Variants in COL24A1 observed in about 807,000 individuals in gnomAD.
COL24A1 encodes collagen alpha-1(XXIV) chain.
A neutral mutation model predicts 253.9 loss-of-function variants in COL24A1; 224 were observed. The ratio of observed to expected loss-of-function variants is 0.88; its 90% CI spans 0.79 to 0.99. The LOEUF (loss-of-function observed/expected upper bound fraction) is 0.99, where lower values mean the gene tolerates loss of function less well. COL24A1 is among the 50% of genes least tolerant of loss of function. The pLI is 0.00. For synonymous variants in COL24A1, 685 were observed against 673.7 expected (o/e 1.02, Z -0.26); for missense variants, 2,131 against 2,068.5 (o/e 1.03, Z -0.59).
intron 24 of COL24A1, among the ~76,000 whole-genome samples, chr1:85,942,050 G>T (rs2103191841): frequency 6.6e-6 from 1 of 152,226 alleles, no homozygotes; most frequent in South Asian, 2.1e-4. Context: ...GTATTTACTT[G>T]TTTAAGTTAT....
At chr1:86,092,759 A>G (rs907650154) in intron 5 of COL24A1, among the ~76,000 whole-genome samples, 1 of 151,954 alleles carries the variant, frequency 6.6e-6, no homozygotes, top group African/African-American at 2.4e-5. Context: ...CCAAAATATT[A>G]CAATGCACAT....
chr1:86,093,668 A>C (rs1367474595), intron 5 of COL24A1, among the ~76,000 whole-genome samples: 2 of 152,180 alleles, frequency 1.3e-5, no homozygotes, highest in Non-Finnish European at 2.9e-5. Context: ...GAGGTTCTGC[A>C]CAGAAAAAGA....
intron 13 of COL24A1, 132 bp from the exon 14 acceptor site, chr1:86,032,054 A>G (rs1362282176): frequency 1.6e-6 from 1 of 631,746 alleles, no homozygotes; most frequent in African/African-American, 1.9e-5. Context: ...TAACTTCTGA[A>G]ACTCCCCTAA....
chr1:86,032,626 G>A (rs1698669441), intron 13 of COL24A1, among the ~76,000 whole-genome samples: 1 of 151,914 alleles, frequency 6.6e-6, no homozygotes, highest in South Asian at 2.1e-4. Context: ...TATTTACAAG[G>A]CACAAAGTAC....
intron 43 of COL24A1, among the ~76,000 whole-genome samples, chr1:85,827,767 G>T (rs1353614189): frequency 1.3e-5 from 2 of 152,010 alleles, no homozygotes; most frequent in Non-Finnish European, 2.9e-5. Context: ...GATCAGTGGT[G>T]ATATCCCCTT....
At chr1:85,925,007 A>C (rs1270122701) in intron 24 of COL24A1, among the ~76,000 whole-genome samples, 1 of 152,222 alleles carries the variant, frequency 6.6e-6, no homozygotes, top group Non-Finnish European at 1.5e-5. Flanking sequence ...CAAATATCAC[A>C]AGCATTCCTA....
intron 47 of COL24A1, among the ~76,000 whole-genome samples, chr1:85,810,740 G>A (rs751655779): frequency 2.7e-4 from 41 of 152,006 alleles, no homozygotes; most frequent in Non-Finnish European, 5.0e-4. Flanking sequence ...TGCTTTCACC[G>A]TGTGATGTGT....
At chr1:86,100,447 T>G (rs1314413938) in intron 5 of COL24A1, among the ~76,000 whole-genome samples, 1 of 152,166 alleles carries the variant, frequency 6.6e-6, no homozygotes, top group African/African-American at 2.4e-5. Context: ...TTACCATTTT[T>G]TAAAATAATG....
At chr1:85,863,055 G>T (rs1679345660) in intron 37 of COL24A1, among the ~76,000 whole-genome samples, 1 of 152,142 alleles carries the variant, frequency 6.6e-6, no homozygotes, top group African/African-American at 2.4e-5. Flanking sequence ...TGGATTTCTA[G>T]ATATTTGATT....
intron 6 of COL24A1, among the ~76,000 whole-genome samples, chr1:86,090,066 G>A (rs1703382029): frequency 6.6e-6 from 1 of 152,158 alleles, no homozygotes; most frequent in East Asian, 1.9e-4. Flanking sequence ...TACACAGAAC[G>A]TCCCTCACCC....
At chr1:86,150,268 T>C (rs1652570859) in intron 1 of COL24A1, among the ~76,000 whole-genome samples, 1 of 152,222 alleles carries the variant, frequency 6.6e-6, no homozygotes, top group African/African-American at 2.4e-5. Flanking sequence ...GACTTTGTTA[T>C]ACTCCTATAA....
At chr1:85,791,083 T>C (rs1670223011) in intron 47 of COL24A1, among the ~76,000 whole-genome samples, 2 of 152,188 alleles carry the variant, frequency 1.3e-5, no homozygotes, top group Non-Finnish European at 1.5e-5. Flanking sequence ...ATTGTTAGCT[T>C]TTTGGCAAGA....
chr1:85,930,076 C>A (rs1687666418), intron 24 of COL24A1, among the ~76,000 whole-genome samples: 1 of 69,902 alleles, frequency 1.4e-5, no homozygotes, highest in Non-Finnish European at 2.7e-5. Flanking sequence ...CAAGAAATAA[C>A]TAAAATCAGA....
At chr1:85,829,355 A>AT (rs1464267822) in intron 43 of COL24A1, among the ~76,000 whole-genome samples, 1 of 150,810 alleles carries the variant, frequency 6.6e-6, no homozygotes, top group African/African-American at 2.4e-5. Flanking sequence ...TGCCCTTAAC[A>AT]TTTTTTCCTT....
intron 18 of COL24A1, among the ~76,000 whole-genome samples, chr1:86,021,078 A>T (rs1048300464): frequency 1.3e-5 from 2 of 152,322 alleles, no homozygotes; most frequent in African/African-American, 4.8e-5. Context: ...AGAATGGGGT[A>T]AAGTTCTGTA....
In COL24A1 at chr1:86,115,310, A is replaced by G. The variant is rs182485617; in HGVS notation, c.1545+15T>C. On this transcript the variant is annotated intron_variant, in intron 4 of 59. Transcript: ENST00000370571. Reference sequence around the variant, plus strand: ...AATTCTCACTGCCAGCAGGAAATATAGCCCATCTACTTACCCGTGGACCTC... The same window carrying G: ...AATTCTCACTGCCAGCAGGAAATATGGCCCATCTACTTACCCGTGGACCTC... 6 of 1,612,800 alleles carry G rather than the reference A, an allele frequency of 3.7e-6. No homozygotes were observed. The Admixed American group carries it at 1.0e-4, about 27-fold the overall frequency.
chr1:86,042,730 C>T (rs1052803337), intron 12 of COL24A1, among the ~76,000 whole-genome samples: 1 of 152,110 alleles, frequency 6.6e-6, no homozygotes, highest in African/African-American at 2.4e-5. Flanking sequence ...TTTGTGTTTA[C>T]TCAGGGAAAT....
chr1:85,736,308 T>G (rs113380801), intron 58 of COL24A1: 12 of 456,216 alleles, frequency 2.6e-5, no homozygotes, highest in African/African-American at 1.2e-4. Flanking sequence ...TCAAAGAAAT[T>G]AGAGAAGTGA....
chr1:86,029,488 G>T (rs758896775), intron 14 of COL24A1, among the ~76,000 whole-genome samples: 1 of 152,098 alleles, frequency 6.6e-6, no homozygotes, highest in Admixed American at 6.6e-5. Flanking sequence ...ACTCACACAG[G>T]TTCTTTGACT....
Sources: gnomAD v4.1 joint callset for allele counts (sites outside exome capture counted in the v4.1 genomes callset) on GRCh38, gnomAD v4.1.1 for gene constraint, MANE v1.5 for transcripts, NCBI Gene and HGNC (gene_info 2026-07-23, HGNC 2026-07-21) for gene names.